Variants in DTNA observed in about 807,000 individuals in gnomAD.
DTNA encodes dystrophin-related protein 3.
In DTNA, 43 loss-of-function variants were observed where a neutral mutation model predicts 100.7. The observed-to-expected ratio is 0.43, with a 90% CI of 0.33 to 0.55. The LOEUF is 0.55. Ranked by LOEUF, DTNA falls within the 20% of genes least tolerant of loss-of-function variation. DTNA has a pLI of 0.04. For missense variants in DTNA, 798 were observed against 953.9 expected (o/e 0.84, Z 2.15); for synonymous variants, 349 against 347.9 (o/e 1.00, Z -0.04).
At chr18:34,785,424 T>C (rs559658397) in intron 3 of DTNA, among the ~76,000 whole-genome samples, 1 of 152,210 alleles carries the variant, frequency 6.6e-6, no homozygotes, top group Non-Finnish European at 1.5e-5. Flanking sequence ...TAATTCTACC[T>C]GAATATGAGA....
chr18:34,546,635 TTAAACA>T, intron 1 of DTNA, among the ~76,000 whole-genome samples: 1 of 152,206 alleles, frequency 6.6e-6, no homozygotes, highest in Non-Finnish European at 1.5e-5. Context: ...AACCAAACCT[TTAAACA>T]AAGTTGAAGT....
chr18:34,876,223 T>C (rs2096816364), intron 18 of DTNA, among the ~76,000 whole-genome samples: 1 of 152,206 alleles, frequency 6.6e-6, no homozygotes. Flanking sequence ...TTTTGGGGTC[T>C]GCAATTTGCA....
chr18:34,794,085 C>T lies in DTNA; in HGVS notation c.197C>T (p.Ala66Val), dbSNP rs752651692. Residue 66 changes from alanine (A) to valine (V), a missense_variant, in exon 4 of 23, where the codon GCT becomes GTT. Physicochemically the swap from Ala to Val is moderately conservative, Grantham distance 64. Coordinates refer to ENST00000444659, the MANE Select transcript of DTNA (RefSeq NM_001386795.1). ...WNVIEALREN[A>V]LNNLDPNTEL... ...GTCATAGAAGCATTGCGGGAAAATGCTCTGAACAACCTGGACCCAAACACT... is the reference window on the plus strand; with the variant it reads ...GTCATAGAAGCATTGCGGGAAAATGTTCTGAACAACCTGGACCCAAACACT... 5 of 1,614,074 alleles carry T rather than the reference C, an allele frequency of 3.1e-6. No individual in the cohort carries two copies. In the South Asian group the frequency reaches 4.4e-5, roughly 14 times the overall value.
chr18:34,626,867 A>T (rs187744054), intron 1 of DTNA, among the ~76,000 whole-genome samples: 1 of 152,330 alleles, frequency 6.6e-6, no homozygotes, highest in Non-Finnish European at 1.5e-5. Context: ...CTCACCATTA[A>T]TTTGGAAACA....
chr18:34,653,469 C>T (rs2073907280), intron 1 of DTNA, among the ~76,000 whole-genome samples: 1 of 151,540 alleles, frequency 6.6e-6, no homozygotes, highest in South Asian at 2.1e-4. Context: ...TCCAATGTAT[C>T]ATTTATGTGA....
At chr18:34,589,412 T>C (rs1477250624) in intron 1 of DTNA, among the ~76,000 whole-genome samples, 1 of 151,954 alleles carries the variant, frequency 6.6e-6, no homozygotes, top group African/African-American at 2.4e-5. Flanking sequence ...ATCGAGACCA[T>C]CCTGGCTAAC....
intron 1 of DTNA, among the ~76,000 whole-genome samples, chr18:34,749,785 A>T (rs2092128011): frequency 6.6e-6 from 1 of 152,138 alleles, no homozygotes; most frequent in Admixed American, 6.6e-5. Context: ...TTGTACTGTC[A>T]TGGGCTCATC....
At chr18:34,733,725 TC>T (rs991126740) in intron 1 of DTNA, among the ~76,000 whole-genome samples, 1 of 152,130 alleles carries the variant, frequency 6.6e-6, no homozygotes, top group Admixed American at 6.6e-5. Flanking sequence ...GATGAGTAGG[TC>T]TAAAGTGACT....
intron 1 of DTNA, among the ~76,000 whole-genome samples, chr18:34,747,172 G>T (rs1398822538): frequency 1.3e-5 from 2 of 149,906 alleles, no homozygotes; most frequent in Non-Finnish European, 3.0e-5. Flanking sequence ...TTCTCCCTTG[G>T]CTCAAAGTAA....
intron 3 of DTNA, among the ~76,000 whole-genome samples, chr18:34,779,557 A>G (rs922636652): frequency 1.3e-5 from 2 of 152,128 alleles, no homozygotes; most frequent in Admixed American, 6.5e-5. Context: ...TTTGCTCAGC[A>G]TGGTCTGTAC....
At chr18:34,587,913 A>G (rs1048009114) in intron 1 of DTNA, among the ~76,000 whole-genome samples, 1 of 152,160 alleles carries the variant, frequency 6.6e-6, no homozygotes, top group Non-Finnish European at 1.5e-5. Flanking sequence ...CCTAGACAAA[A>G]CAGAATGGCT....
At chr18:34,731,854 T>G (rs896380334) in intron 1 of DTNA, among the ~76,000 whole-genome samples, 1 of 152,206 alleles carries the variant, frequency 6.6e-6, no homozygotes, top group African/African-American at 2.4e-5. Flanking sequence ...GAGTTTTTCT[T>G]TCTTTACAGT....
intron 17 of DTNA, chr18:34,866,438 C>A (rs931138256): frequency 7.8e-7 from 1 of 1,274,850 alleles, no homozygotes; most frequent in Non-Finnish European, 1.0e-6. Context: ...CCAGTCTTAG[C>A]TTTTCAAGTT....
intron 4 of DTNA, among the ~76,000 whole-genome samples, chr18:34,802,351 G>A (rs546222721): frequency 4.6e-5 from 7 of 152,282 alleles, no homozygotes; most frequent in Middle Eastern, 3.4e-3. Flanking sequence ...TTTCCTGCTC[G>A]TTTGTACAGG....
chr18:34,495,207 G>A (rs1242383833), intron 1 of DTNA, among the ~76,000 whole-genome samples: 1 of 152,194 alleles, frequency 6.6e-6, no homozygotes, highest in Non-Finnish European at 1.5e-5. Context: ...TAATAGGTAT[G>A]TGCTGCATGT....
intron 1 of DTNA, among the ~76,000 whole-genome samples, chr18:34,640,663 C>T (rs2059173687): frequency 1.3e-5 from 2 of 152,200 alleles, no homozygotes; most frequent in East Asian, 1.9e-4. Context: ...GGGTGCTATG[C>T]TTTAACCAAC....
chr18:34,644,404 G>A (rs1286044578), intron 1 of DTNA, among the ~76,000 whole-genome samples: 1 of 152,084 alleles, frequency 6.6e-6, no homozygotes, highest in African/African-American at 2.4e-5. Flanking sequence ...ATAGCAGCTA[G>A]TAAAATAACT....
intron 17 of DTNA, chr18:34,867,980 T>C: frequency 1.0e-6 from 1 of 985,408 alleles, no homozygotes; most frequent in African/African-American, 1.7e-5. Flanking sequence ...TTTATCTTTT[T>C]TGCTTTTATA....
At chr18:34,777,439 AATATTT>A (rs2094116971) in intron 3 of DTNA, among the ~76,000 whole-genome samples, 1 of 152,218 alleles carries the variant, frequency 6.6e-6, no homozygotes, top group Non-Finnish European at 1.5e-5. Flanking sequence ...AGAAATGAAA[AATATTT>A]ATAGATATCT....
Sources: gnomAD v4.1 joint callset for allele counts (sites outside exome capture counted in the v4.1 genomes callset) on GRCh38, gnomAD v4.1.1 for gene constraint, MANE v1.5 for transcripts, NCBI Gene and HGNC (gene_info 2026-07-23, HGNC 2026-07-21) for gene names.